Variants in TMEM108 observed in about 807,000 individuals in gnomAD.
TMEM108 encodes the protein transmembrane protein 108, also known as cancer/testis antigen 124.
A neutral mutation model predicts 35.1 loss-of-function variants in TMEM108; 12 were observed. That is an observed-to-expected ratio of 0.34 (90% CI 0.22 to 0.55). TMEM108 has a LOEUF of 0.55. TMEM108 is among the 20% of genes least tolerant of loss of function. The pLI, the probability that TMEM108 is intolerant of heterozygous loss-of-function variation, is 0.89. For synonymous variants in TMEM108, 287 were observed against 308.6 expected (o/e 0.93, Z 0.73); for missense variants, 680 against 753.3 (o/e 0.90, Z 1.14).
intron 3 of TMEM108, among the ~76,000 whole-genome samples, chr3:133,239,820 G>C (rs1946288375): frequency 6.6e-6 from 1 of 152,184 alleles, no homozygotes; most frequent in Admixed American, 6.5e-5. Context: ...GTGAGTTCTG[G>C]AATAAAACCA....
chr3:133,192,676 G>C (rs932368149), intron 2 of TMEM108: 1 of 152,358 alleles, frequency 6.6e-6, no homozygotes, highest in African/African-American at 2.4e-5. Flanking sequence ...TGTTTGAATC[G>C]CCACAGGGAA....
intron 3 of TMEM108, among the ~76,000 whole-genome samples, chr3:133,322,667 G>C (rs1046140502): frequency 6.6e-6 from 1 of 152,048 alleles, no homozygotes; most frequent in Non-Finnish European, 1.5e-5. Flanking sequence ...AAATCATTCT[G>C]TGAAGTCAGT....
Position 133,125,892 on chromosome 3 carries a change from T to A in TMEM108, c.-47+79872T>A, listed in dbSNP as rs535806196. ...GGATGTGATATTTAGTCTCAAATAT[T>A]TGAATTATAGTCACTGTTTTATTTC... On this transcript the variant is annotated intron_variant, in intron 2 of 5. Transcript: ENST00000321871. Among the ~76,000 whole-genome samples the A allele has an allele frequency of 2.6e-5, 4 of 152,352 alleles. No homozygotes were observed. The South Asian group carries it at 8.3e-4, about 32-fold the overall frequency.
intron 2 of TMEM108, among the ~76,000 whole-genome samples, chr3:133,178,976 C>T (rs2107800275): frequency 6.6e-6 from 1 of 151,980 alleles, no homozygotes; most frequent in East Asian, 1.9e-4. Context: ...AAAAACAACC[C>T]CATCAAAAAG....
intron 3 of TMEM108, chr3:133,378,638 C>G (rs1280730289): frequency 2.3e-5 from 15 of 658,726 alleles, no homozygotes; most frequent in Non-Finnish European, 2.8e-5. Flanking sequence ...TTGTCAACGG[C>G]TCCTACATGT....
chr3:133,304,115 C>A (rs914887827), intron 3 of TMEM108, among the ~76,000 whole-genome samples: 3 of 152,122 alleles, frequency 2.0e-5, no homozygotes, highest in Admixed American at 1.3e-4. Context: ...TTAAATAGGA[C>A]AATGTAAGAA....
chr3:133,048,698 GA>G (rs1291656876), intron 2 of TMEM108, among the ~76,000 whole-genome samples: 2 of 152,218 alleles, frequency 1.3e-5, no homozygotes, highest in African/African-American at 4.8e-5. Flanking sequence ...ACTATGTAGA[GA>G]AGCCATCATG....
intron 3 of TMEM108, among the ~76,000 whole-genome samples, chr3:133,325,994 T>C (rs2071328271): frequency 6.6e-6 from 1 of 152,132 alleles, no homozygotes; most frequent in Admixed American, 6.5e-5. Flanking sequence ...GGAGTATAAA[T>C]AAATAAGATT....
intron 3 of TMEM108, chr3:133,378,522 A>T (rs968651822): frequency 8.1e-6 from 8 of 985,482 alleles, no homozygotes; most frequent in Non-Finnish European, 2.4e-6. Context: ...GAGGATGACA[A>T]AGAAGGGGAT....
intron 1 of TMEM108, among the ~76,000 whole-genome samples, chr3:133,042,318 A>G (rs964417954): frequency 6.6e-6 from 1 of 152,184 alleles, no homozygotes; most frequent in African/African-American, 2.4e-5. Context: ...CTGTCTCTCA[A>G]GTGAACTGAT....
chr3:133,388,758 T>A, intron 4 of TMEM108: 6 of 985,416 alleles, frequency 6.1e-6, no homozygotes, highest in Non-Finnish European at 7.2e-6. Context: ...AGCTACAGAA[T>A]TCCCCAGGCA....
At chr3:133,135,218 C>T (rs1044393846) in intron 2 of TMEM108, among the ~76,000 whole-genome samples, 1 of 146,584 alleles carries the variant, frequency 6.8e-6, no homozygotes, top group African/African-American at 2.5e-5. Flanking sequence ...GCGGGTCTTT[C>T]TCTCTTCTAA....
chr3:133,125,012 C>A (rs1277374506), intron 2 of TMEM108: 1 of 152,132 alleles, frequency 6.6e-6, no homozygotes, highest in African/African-American at 2.4e-5. Flanking sequence ...AGCTCTTATG[C>A]TACTCTGAAG....
intron 3 of TMEM108, among the ~76,000 whole-genome samples, chr3:133,358,003 C>G (rs1354748763): frequency 6.6e-6 from 1 of 152,076 alleles, no homozygotes; most frequent in African/African-American, 2.4e-5. Flanking sequence ...AACTATTGTA[C>G]CTGTTGCCCA....
chr3:133,085,325 T>C (rs1943867891), intron 2 of TMEM108, among the ~76,000 whole-genome samples: 2 of 152,200 alleles, frequency 1.3e-5, no homozygotes, highest in Admixed American at 1.3e-4. Context: ...GTCTGAAGGA[T>C]AATTTCTTTC....
At chr3:133,306,555 A>G (rs955701497) in intron 3 of TMEM108, among the ~76,000 whole-genome samples, 6 of 151,630 alleles carry the variant, frequency 4.0e-5, no homozygotes, top group African/African-American at 1.5e-4. Context: ...TGTGATGTTC[A>G]CCGCCCTGTG....
chr3:133,252,665 A>G (rs1248198953), intron 3 of TMEM108, among the ~76,000 whole-genome samples: 1 of 152,176 alleles, frequency 6.6e-6, no homozygotes, highest in Non-Finnish European at 1.5e-5. Context: ...GAAACAAAAA[A>G]GAAAAGATGA....
At position 133,185,784 on chromosome 3, in the gene TMEM108, C is replaced by CTTTTCTTTTCTTTTT. The variant is rs1441056931; in HGVS notation, c.-46-43478_-46-43477insCTTTTCTTTTTTTTT. Among the ~76,000 whole-genome samples, 16 of 127,118 alleles carry CTTTTCTTTTCTTTTT rather than the reference C, an allele frequency of 1.3e-4. No homozygotes were observed. The East Asian group carries it at 1.3e-3, about 11-fold the overall frequency. 83.4% of individuals were successfully genotyped at this position (127,118 alleles called of 152,430 possible). On this transcript the variant is annotated intron_variant, in intron 2 of 5. Coordinates refer to ENST00000321871, the MANE Select transcript of TMEM108 (RefSeq NM_023943.4). The stretch of plus-strand genomic sequence containing the variant: ...CGTTTCTTTTCTTTTCTTTTCTTTT[C>CTTTTCTTTTCTTTTT]TTTTTTTTTTTTTTTGAGACAGAGT...
At chr3:133,242,523 C>T (rs997435655) in intron 3 of TMEM108, among the ~76,000 whole-genome samples, 10 of 152,096 alleles carry the variant, frequency 6.6e-5, no homozygotes, top group South Asian at 2.1e-4. Flanking sequence ...TAAAAGCTCC[C>T]GGGAAGGGTG....
Sources: allele counts gnomAD v4.1 joint callset (sites outside exome capture counted in the v4.1 genomes callset), GRCh38; gene constraint gnomAD v4.1.1; transcripts MANE v1.5; gene names NCBI Gene and HGNC (gene_info 2026-07-23, HGNC 2026-07-21).